Variants in ANGPT4 observed in about 807,000 individuals in gnomAD.
ANGPT4 encodes the protein angiopoietin-4.
In ANGPT4, 50 loss-of-function variants were observed where a neutral mutation model predicts 53.0. The ratio of observed to expected loss-of-function variants is 0.94; its 90% CI spans 0.75 to 1.20. The LOEUF is 1.20. ANGPT4 is among the 50% of genes most tolerant of loss of function. The pLI is 0.00. For synonymous variants in ANGPT4, 251 were observed against 259.7 expected, an observed-to-expected ratio of 0.97 and a Z score of 0.32; for missense variants, 648 against 637.1, an observed-to-expected ratio of 1.02 and a Z score of -0.18.
Position 871,286 on chromosome 20 carries a change from T to G in ANGPT4, c.*1674A>C, listed in dbSNP as rs1980930756. On this transcript the variant is annotated 3_prime_UTR_variant, in exon 9 of 9. Coordinates refer to ENST00000381922, the MANE Select transcript of ANGPT4 (RefSeq NM_015985.4). ...GTGCTGGGTTTACTCAGGGATCGGC[T>G]GAGAGTGGGACTCAGGGCTGGGGCG... 1 of 152,328 alleles carries G rather than the reference T, an allele frequency of 6.6e-6. No individual in the cohort carries two copies. The highest frequency in any genetic ancestry group is 2.4e-5 in the African/African-American group (1 of 41,446). The allele number at this position is 152,328 out of a possible 1,614,324, so 9.4% of individuals were successfully genotyped here. A position where few individuals can be genotyped will look rare whatever the true frequency, so the allele number is the denominator to read the frequency against.
rs75063051 is a variant in ANGPT4, at chr20:892,918, A to G, written c.310-2550T>C. 4.7e-3 allele frequency among the ~76,000 whole-genome samples: 717 copies of G among 152,254 alleles called. 2 individuals are homozygous for G. Among genetic ancestry groups the G allele is most frequent in the African/African-American group, 0.017 (688 of 41,548 alleles). ...GACACTCCATCTTGCTTGACATCTC[A>G]GGAGCAATCACCTGGATGGCCACTC... On this transcript the variant is annotated intron_variant, in intron 1 of 8. Transcript: ENST00000381922.
rs1982934923 is a variant in ANGPT4 at position 916,109 on chromosome 20, G to A, written c.106C>T (p.Leu36Phe). 1.2e-6 allele frequency: 2 copies of A among 1,614,206 alleles called. No individual in the cohort carries two copies. Among genetic ancestry groups the A allele is most frequent in the Non-Finnish European group, 1.7e-6 (2 of 1,180,020 alleles). Reference protein sequence around the residue: ...RQEADRGCETLVVQHGHCSYT... With the variant: ...RQEADRGCETFVVQHGHCSYT... ...CTACAGTGGCCGTGCTGGACTACAA[G>A]TGTCTCGCAGCCCCTATCCGCCTCC... Residue 36 changes from leucine to phenylalanine, a missense_variant, in exon 1 of 9, where the codon CTT becomes TTT. Transcript: ENST00000381922.
rs1376272481 is a variant in ANGPT4, at chr20:888,345, T to C, written c.560A>G (p.Lys187Arg). 1 of 1,613,868 alleles carries C rather than the reference T, an allele frequency of 6.2e-7. No individual in the cohort carries two copies. Among genetic ancestry groups the C allele is most frequent in the Non-Finnish European group, 8.5e-7 (1 of 1,179,962 alleles). ...GTTTTGGCCCTGAAGCTGCTGGAGC[T>C]TCTGCCTCTGTAGCAGCAGCTGGTT... ...LENQLLLQRQ[K>R]LQQLQGQNSA... Residue 187 changes from lysine to arginine, a missense_variant, in exon 3 of 9, where the codon AAG (lysine) becomes AGG (arginine). By Grantham distance (26) the Lys-to-Arg change is conservative. Transcript: ENST00000381922.
rs13040505 is a variant in ANGPT4 at position 908,674 on chromosome 20, C to G, written c.309+7232G>C. Among the ~76,000 whole-genome samples the G allele has an allele frequency of 0.13, 19,449 of 152,118 alleles. 1,225 individuals are homozygous for G. The highest frequency in any genetic ancestry group is 0.2 in the South Asian group (971 of 4,816). Reference sequence around the variant, plus strand: ...CATGGCGCCTGGCGCATTGTAAGCCCTCAATAAACAGTGGTGGAAGGGACA... The same window carrying G: ...CATGGCGCCTGGCGCATTGTAAGCCGTCAATAAACAGTGGTGGAAGGGACA... On this transcript the variant is annotated intron_variant, in intron 1 of 8. Transcript: ENST00000381922. This position sits in a 1 kb window ranked among gnomAD's most constrained non-coding sequence, Gnocchi z 4.9.
At position 911,917 on chromosome 20, in the gene ANGPT4, G is replaced by T. The variant is rs35093728; in HGVS notation, c.309+3989C>A. 0.31 allele frequency among the ~76,000 whole-genome samples: 47,671 copies of T among 151,734 alleles called. 7,644 individuals are homozygous for T. The highest frequency in any genetic ancestry group is 0.36 in the Non-Finnish European group (24,497 of 67,860). Reference sequence around the variant, plus strand: ...CAGACAGAGATAGACAGGGAGATAGGCAGAGAGAGGGCTGCCATGGACCCC... The same window carrying T: ...CAGACAGAGATAGACAGGGAGATAGTCAGAGAGAGGGCTGCCATGGACCCC... On this transcript the variant is annotated intron_variant, in intron 1 of 8. Coordinates refer to ENST00000381922, the MANE Select transcript of ANGPT4 (RefSeq NM_015985.4). The surrounding 1 kb of genome is among the most constrained non-coding windows in gnomAD (Gnocchi z 4.9).
Position 915,920 on chromosome 20 carries a change from G to A in ANGPT4, c.295C>T (p.Gln99Ter). The change falls in exon 1 of 9, where the codon CAG becomes TAG. Residue 99 changes from glutamine (Q) to a stop codon, truncating the protein, a stop_gained. Coordinates refer to ENST00000381922, the MANE Select transcript of ANGPT4 (RefSeq NM_015985.4). LOFTEE classifies it high-confidence loss of function. ...ATGCCCCGTACCTTCTTCAGCCACT[G>A]CGTGTTGTTCTGCAGTGCCTGCTCC... ...QLEQALQNNT[Q>*]WLKKLERAIK... is the part of the protein sequence containing the mutation. 1 of 1,578,716 alleles carries A rather than the reference G, an allele frequency of 6.3e-7. No individual in the cohort carries two copies.
chr20:882,851 T>C (rs1981464196), intron 4 of ANGPT4, among the ~76,000 whole-genome samples: 1 of 152,204 alleles, frequency 6.6e-6, no homozygotes, highest in Non-Finnish European at 1.5e-5. Flanking sequence ...TCACCATGTA[T>C]TGTAGTGTTT....
chr20:905,843 G>A (rs1429545162), intron 1 of ANGPT4, among the ~76,000 whole-genome samples: 1 of 152,204 alleles, frequency 6.6e-6, no homozygotes, highest in Non-Finnish European at 1.5e-5. Context: ...CTCTGTCCCA[G>A]GCATGACCCC....
At position 885,030 on chromosome 20, in the gene ANGPT4, C is replaced by G. The variant is rs750125090; in HGVS notation, c.835+48G>C. On this transcript the variant is annotated intron_variant, in intron 4 of 8. Transcript: ENST00000381922. The stretch of plus-strand genomic sequence containing the variant: ...GAGGGTGAGCAGGGTCTCCCCTCCC[C>G]TCTCCTGCCCGTCTTTAGCCACACT... The G allele has an allele frequency of 7.5e-6, 12 of 1,608,604 alleles. No homozygotes were observed. The African/African-American group carries it at 1.2e-4, about 16-fold the overall frequency.
At chr20:880,774 G>T (rs1981374158) in intron 5 of ANGPT4, among the ~76,000 whole-genome samples, 1 of 152,152 alleles carries the variant, frequency 6.6e-6, no homozygotes, top group Admixed American at 6.5e-5. Flanking sequence ...TATTAGCCCT[G>T]GTTTCTAATT....
At chr20:874,973 G>A (rs577949520) in intron 7 of ANGPT4, among the ~76,000 whole-genome samples, 12 of 152,144 alleles carry the variant, frequency 7.9e-5, no homozygotes, top group Non-Finnish European at 1.6e-4. Context: ...GCCTGCCTTG[G>A]CCTCCCAAAG....
At chr20:888,711 A>G (rs1981717209) in intron 2 of ANGPT4, among the ~76,000 whole-genome samples, 1 of 152,058 alleles carries the variant, frequency 6.6e-6, no homozygotes, top group Admixed American at 6.5e-5. Flanking sequence ...CATCCAACTC[A>G]TCTGCAGGTC....
At chr20:888,537 T>C (rs1981708671) in intron 2 of ANGPT4, 98 bp from the exon 3 acceptor site, 1 of 1,506,084 alleles carries the variant, frequency 6.6e-7, no homozygotes, top group African/African-American at 1.4e-5. Flanking sequence ...CTCCAGAAAC[T>C]TACCCATTTC....
At chr20:896,738 T>C (rs528730748) in intron 1 of ANGPT4, among the ~76,000 whole-genome samples, 2 of 152,306 alleles carry the variant, frequency 1.3e-5, no homozygotes, top group East Asian at 1.9e-4. Context: ...TCTACTGGTG[T>C]CTGAGCCTTT....
At position 872,388 on chromosome 20, in the gene ANGPT4, C is replaced by A. The variant is rs2122744460; in HGVS notation, c.*572G>T. ...TGGTGAAGTCTAAAGACCCTGAGATCTAGGGTCATTAGAACCTAGAAGTGG... is the reference window on the plus strand; with the variant it reads ...TGGTGAAGTCTAAAGACCCTGAGATATAGGGTCATTAGAACCTAGAAGTGG... On this transcript the variant is annotated 3_prime_UTR_variant, in exon 9 of 9. Coordinates refer to ENST00000381922, the MANE Select transcript of ANGPT4 (RefSeq NM_015985.4). 6.5e-6 allele frequency: 1 copy of A among 153,000 alleles called. No homozygotes were observed. Among genetic ancestry groups the A allele is most frequent in the East Asian group, 1.9e-4 (1 of 5,166 alleles). 9.5% of individuals were successfully genotyped at this position (153,000 alleles called of 1,614,324 possible).
In ANGPT4 at chr20:878,183, C is replaced by T. The variant is rs908074894; in HGVS notation, c.1198G>A (p.Gly400Ser). 2.5e-6 allele frequency: 4 copies of T among 1,601,364 alleles called. No individual in the cohort carries two copies. In the Admixed American group the frequency reaches 5.0e-5, roughly 20 times the overall value. Residue 400 changes from glycine (G) to serine (S), a missense_variant, in exon 7 of 9, where the codon GGC (glycine) becomes AGC (serine). By Grantham distance (56) the Gly-to-Ser change is moderately conservative. Coordinates refer to ENST00000381922, the MANE Select transcript of ANGPT4 (RefSeq NM_015985.4). ...CACCTGTATAGCTGGTTCTCACTGC[C>T]CAGGTGGAAATGTTCGTACTGGGCA... is the stretch of plus-strand genomic sequence containing the variant. Reference protein sequence around the residue: ...AYAQYEHFHLGSENQLYRLSV... With the variant: ...AYAQYEHFHLSSENQLYRLSV...
intron 7 of ANGPT4, among the ~76,000 whole-genome samples, chr20:877,955 TC>T (rs1267392667): frequency 6.6e-6 from 1 of 152,130 alleles, no homozygotes; most frequent in Non-Finnish European, 1.5e-5. Context: ...TTCTTTCCAC[TC>T]CACCCAGTGG....
intron 1 of ANGPT4, among the ~76,000 whole-genome samples, chr20:894,836 G>A (rs1981982364): frequency 6.6e-6 from 1 of 152,170 alleles, no homozygotes; most frequent in African/African-American, 2.4e-5. Flanking sequence ...CTTGCCTGAG[G>A]GCTGCAGAGC....
intron 6 of ANGPT4, among the ~76,000 whole-genome samples, chr20:878,628 G>T (rs998248781): frequency 3.9e-5 from 6 of 152,186 alleles, no homozygotes; most frequent in Admixed American, 1.3e-4. Context: ...GTATTGACTG[G>T]GAGGGGGCAC....
Sources: allele counts gnomAD v4.1 joint callset (sites outside exome capture counted in the v4.1 genomes callset), GRCh38; gene constraint gnomAD v4.1.1; non-coding constraint Gnocchi (gnomAD v3.1); transcripts MANE v1.5; gene names NCBI Gene and HGNC (gene_info 2026-07-23, HGNC 2026-07-21).